The following ZFPM2 variants were observed in gnomAD, a reference collection of about 807,000 sequenced individuals.
ZFPM2 encodes zinc finger protein, FOG family member 2.
In ZFPM2, 20 loss-of-function variants were observed where a neutral mutation model predicts 98.6. The ratio of observed to expected loss-of-function variants is 0.20; its 90% CI spans 0.14 to 0.29. The LOEUF (loss-of-function observed/expected upper bound fraction) is 0.29, where lower values mean the gene tolerates loss of function less well. ZFPM2 is among the 10% of genes least tolerant of loss of function. The pLI is 1.00. For missense variants in ZFPM2, 1,310 were observed against 1,388.6 expected (o/e 0.94, Z 0.90); for synonymous variants, 518 against 502.7 (o/e 1.03, Z -0.41).
rs529529162 is a variant in ZFPM2 at position 105,671,668 on chromosome 8, A to C, written c.532+37311A>C. Among the ~76,000 whole-genome samples, 5 of 152,058 alleles carry C rather than the reference A, an allele frequency of 3.3e-5. No homozygotes were observed. The East Asian group carries it at 9.7e-4, about 29-fold the overall frequency. On this transcript the variant is annotated intron_variant, in intron 5 of 7. Transcript: ENST00000407775. ...AAATAGGTGGTTTTTTTTTACTTTT[A>C]ACATTTTTATTTTTAATCACTGTAT...
intron 3 of ZFPM2, among the ~76,000 whole-genome samples, chr8:105,514,135 T>TG (rs1474761660): frequency 1.3e-5 from 2 of 151,790 alleles, no homozygotes; most frequent in Non-Finnish European, 2.9e-5. Context: ...CCTGAGTAGC[T>TG]GGGATTACAG....
chr8:105,584,961 T>C (rs1586479955), intron 4 of ZFPM2, among the ~76,000 whole-genome samples: 2 of 152,184 alleles, frequency 1.3e-5, no homozygotes, highest in South Asian at 2.1e-4. Flanking sequence ...CTCATTCTTA[T>C]CAATTTCAAC....
intron 1 of ZFPM2, among the ~76,000 whole-genome samples, chr8:105,406,127 GT>G (rs944702516): frequency 2.0e-5 from 3 of 152,004 alleles, no homozygotes; most frequent in Non-Finnish European, 2.9e-5. Flanking sequence ...TGATGGGGTT[GT>G]TTTTTTCTTG....
At chr8:105,577,211 C>T (rs147457335) in intron 4 of ZFPM2, among the ~76,000 whole-genome samples, 115 of 152,244 alleles carry the variant, frequency 7.6e-4, no homozygotes, top group African/African-American at 2.7e-3. Flanking sequence ...ATGCTTCCCA[C>T]ACAGAATTGC....
At chr8:105,479,178 C>T (rs1049271952) in intron 3 of ZFPM2, among the ~76,000 whole-genome samples, 7 of 152,062 alleles carry the variant, frequency 4.6e-5, no homozygotes, top group East Asian at 1.9e-4. Context: ...CCCAATGCTA[C>T]GATATTCTGA....
intron 1 of ZFPM2, among the ~76,000 whole-genome samples, chr8:105,322,447 A>C (rs901644728): frequency 7.6e-5 from 9 of 117,892 alleles, no homozygotes; most frequent in Non-Finnish European, 1.4e-4. Flanking sequence ...AGAGGTGGAC[A>C]TCACTTTTTT....
At chr8:105,664,583 C>G (rs1472069344) in intron 5 of ZFPM2, among the ~76,000 whole-genome samples, 3 of 152,216 alleles carry the variant, frequency 2.0e-5, no homozygotes, top group Admixed American at 1.3e-4. Flanking sequence ...ATCCGCCTGC[C>G]TTGGCCTCCC....
At chr8:105,619,790 T>C (rs888761967) in intron 4 of ZFPM2, among the ~76,000 whole-genome samples, 1 of 152,106 alleles carries the variant, frequency 6.6e-6, no homozygotes, top group African/African-American at 2.4e-5. Context: ...TGTTTGGTTT[T>C]CTGTCCTTGC....
intron 7 of ZFPM2, among the ~76,000 whole-genome samples, chr8:105,800,273 T>C (rs1813961687): frequency 6.6e-6 from 1 of 152,162 alleles, no homozygotes; most frequent in Admixed American, 6.5e-5. Flanking sequence ...TTTTACCATA[T>C]GCTGACCAAT....
intron 3 of ZFPM2, among the ~76,000 whole-genome samples, chr8:105,466,702 T>C (rs914721426): frequency 6.6e-6 from 1 of 152,094 alleles, no homozygotes; most frequent in African/African-American, 2.4e-5. Flanking sequence ...TAAAGTAATA[T>C]GATTCTACCC....
At chr8:105,521,113 G>A (rs964867010) in intron 3 of ZFPM2, among the ~76,000 whole-genome samples, 1 of 143,054 alleles carries the variant, frequency 7.0e-6, no homozygotes, top group East Asian at 2.1e-4. Context: ...TAAAATTTGT[G>A]TATGTGTGTA....
At chr8:105,444,779 A>G (rs1812334000) in intron 3 of ZFPM2, among the ~76,000 whole-genome samples, 1 of 152,198 alleles carries the variant, frequency 6.6e-6, no homozygotes, top group Non-Finnish European at 1.5e-5. Flanking sequence ...TTGAACCTCA[A>G]TACATATTTA....
intron 5 of ZFPM2, among the ~76,000 whole-genome samples, chr8:105,713,304 T>A (rs150603895): frequency 6.6e-6 from 1 of 152,240 alleles, no homozygotes; most frequent in Non-Finnish European, 1.5e-5. Flanking sequence ...CATATGTTTG[T>A]TGGCTGTTTG....
chr8:105,383,852 A>G (rs1810934336), intron 1 of ZFPM2, among the ~76,000 whole-genome samples: 1 of 152,168 alleles, frequency 6.6e-6, no homozygotes, highest in Non-Finnish European at 1.5e-5. Flanking sequence ...ACAAAGTATC[A>G]CTATATTAAC....
intron 1 of ZFPM2, among the ~76,000 whole-genome samples, chr8:105,413,586 TC>T (rs1391082440): frequency 6.6e-6 from 1 of 151,088 alleles, no homozygotes; most frequent in African/African-American, 2.4e-5. Flanking sequence ...ATTTGGAGGT[TC>T]CTTTTGTTTT....
At chr8:105,751,135 G>A (rs1476359230) in intron 5 of ZFPM2, among the ~76,000 whole-genome samples, 1 of 152,000 alleles carries the variant, frequency 6.6e-6, no homozygotes, top group Non-Finnish European at 1.5e-5. Flanking sequence ...ATCACACCAT[G>A]CAGACTACTT....
Position 105,803,390 on chromosome 8 carries a change from G to A in ZFPM2, c.3308G>A (p.Ser1103Asn), listed in dbSNP as rs776688489. The A allele has an allele frequency of 6.2e-7, 1 of 1,613,842 alleles. No individual in the cohort carries two copies. Among genetic ancestry groups the A allele is most frequent in the Non-Finnish European group, 8.5e-7 (1 of 1,179,824 alleles). ...GIPSAEEQLS[S>N]IAKGVNGSSQ... ...CCCTCAGCAGAGGAACAGTTGTCTA[G>A]TATAGCAAAAGGTGTGAATGGTTCC... Residue 1103 changes from serine to asparagine, a missense_variant, in exon 8 of 8, where the codon AGT (serine) becomes AAT (asparagine). Transcript: ENST00000407775.
chr8:105,568,741 C>T (rs1815293788), intron 4 of ZFPM2, among the ~76,000 whole-genome samples: 2 of 152,146 alleles, frequency 1.3e-5, no homozygotes, highest in Admixed American at 6.6e-5. Flanking sequence ...CACTTAACTC[C>T]TGTGCTTTAA....
chr8:105,642,274 G>A (rs1481711968), intron 5 of ZFPM2, among the ~76,000 whole-genome samples: 1 of 152,036 alleles, frequency 6.6e-6, no homozygotes, highest in Non-Finnish European at 1.5e-5. Context: ...ACATGATTAT[G>A]CTTAAAAACT....
Sources: gnomAD v4.1 joint callset for allele counts (sites outside exome capture counted in the v4.1 genomes callset) on GRCh38, gnomAD v4.1.1 for gene constraint, MANE v1.5 for transcripts, NCBI Gene and HGNC (gene_info 2026-07-23, HGNC 2026-07-21) for gene names.